Variants in MAP3K10 observed in about 807,000 individuals in gnomAD.
MAP3K10 encodes the protein MKN28 derived nonreceptor_type serine/threonine kinase.
Under a neutral mutation model 75.0 loss-of-function variants are expected in MAP3K10, and 22 were observed. The observed-to-expected ratio is 0.29, with a 90% CI of 0.21 to 0.42. MAP3K10 has a LOEUF of 0.42. MAP3K10 is among the 10% of genes least tolerant of loss of function. MAP3K10 has a pLI of 1.00. For synonymous variants in MAP3K10, 599 were observed against 612.9 expected (o/e 0.98, Z 0.34); for missense variants, 1,165 against 1,379.8 (o/e 0.84, Z 2.47).
At chr19:40,208,364 TTTTTTG>T (rs956516194) in intron 5 of MAP3K10, among the ~76,000 whole-genome samples, 1 of 84,884 alleles carries the variant, frequency 1.2e-5, no homozygotes, top group African/African-American at 5.2e-5. Context: ...TTTTTTTTTT[TTTTTTG>T]TATTTTTAGT....
chr19:40,192,581 A>C lies in MAP3K10; in HGVS notation c.550A>C (p.Arg184=). Residue 184 remains arginine, a synonymous_variant, in exon 1 of 10, where the codon AGG becomes CGG. Transcript: ENST00000253055. This position sits in a 1 kb window ranked among gnomAD's most constrained non-coding sequence, Gnocchi z 7.1. ...MEYARGGALS[R]VLAGRRVPPH... is the part of the protein sequence containing the mutation. ...GTATGCCCGGGGTGGTGCACTGAGC[A>C]GGGTGCTGGCAGGTCGCCGGGTGCC... The C allele has an allele frequency of 6.2e-7, 1 of 1,613,394 alleles. No individual in the cohort carries two copies. The highest frequency in any genetic ancestry group is 8.5e-7 in the Non-Finnish European group (1 of 1,179,876).
rs1400492789 is a variant in MAP3K10, at chr19:40,209,197, C to T, written c.1530C>T (p.Ile510=). 2 of 1,614,090 alleles carry T rather than the reference C, an allele frequency of 1.2e-6. No homozygotes were observed. The highest frequency in any genetic ancestry group is 1.1e-5 in the South Asian group (1 of 91,086). ...GCCCCCCTGCAAGCCCCAGCATCATCCCCCGGCTGAGGGCCATTCGCCGTG... is the reference window on the plus strand; with the variant it reads ...GCCCCCCTGCAAGCCCCAGCATCATTCCCCGGCTGAGGGCCATTCGCCGTG... The part of the protein sequence containing the change: ...GASPPASPSI[I]PRLRAIRLTP... Residue 510 remains isoleucine (I), a synonymous_variant, in exon 6 of 10, where the codon ATC becomes ATT. Coordinates refer to ENST00000253055, the MANE Select transcript of MAP3K10 (RefSeq NM_002446.4).
In MAP3K10 at chr19:40,192,079, C is replaced by T; in HGVS notation, c.48C>T (p.Pro16=). The T allele has an allele frequency of 6.6e-7, 1 of 1,507,572 alleles. No individual in the cohort carries two copies. Among genetic ancestry groups the T allele is most frequent in the South Asian group, 1.3e-5 (1 of 76,014 alleles). The allele number at this position is 1,507,572 out of a possible 1,614,324, so 93.4% of individuals were successfully genotyped here. The change falls in exon 1 of 10, where the codon CCC becomes CCT. Residue 16 remains proline, a synonymous_variant. Coordinates refer to ENST00000253055, the MANE Select transcript of MAP3K10 (RefSeq NM_002446.4). The surrounding 1 kb of genome is among the most constrained non-coding windows in gnomAD (Gnocchi z 7.1). ...GAVAKEWGTT[P]AGPVWTAVFD... is the part of the protein sequence containing the mutation. ...TGGCCAAGGAGTGGGGCACGACCCC[C>T]GCGGGGCCCGTCTGGACCGCGGTGT... is the stretch of plus-strand genomic sequence containing the variant.
intron 2 of MAP3K10, among the ~76,000 whole-genome samples, chr19:40,201,167 G>GTTTTTTTT (rs986113003): frequency 4.8e-5 from 7 of 146,814 alleles, no homozygotes; most frequent in African/African-American, 1.5e-4. Context: ...GAGCTCCAGC[G>GTTTTTTTT]TTTTTTGTTT....
In MAP3K10 at chr19:40,192,044, G is replaced by A; in HGVS notation, c.13G>A (p.Glu5Lys). 6.9e-7 allele frequency: 1 copy of A among 1,441,590 alleles called. No homozygotes were observed. Among genetic ancestry groups the A allele is most frequent in the Non-Finnish European group, 9.1e-7 (1 of 1,099,702 alleles). 89.3% of individuals were successfully genotyped at this position (1,441,590 alleles called of 1,614,324 possible). The change falls in exon 1 of 10, where the codon GAG becomes AAG. Residue 5 changes from glutamate to lysine, a missense_variant. This residue lies in a region of MAP3K10 where 575 missense variants were observed against 793.2 expected (regional missense o/e 0.72). Coordinates refer to ENST00000253055, the MANE Select transcript of MAP3K10 (RefSeq NM_002446.4). The surrounding 1 kb of genome is among the most constrained non-coding windows in gnomAD (Gnocchi z 7.1). ...CGGCCCCTCCCCCATGGAGGAGGAG[G>A]AGGGGGCGGTGGCCAAGGAGTGGGG... MEEE[E>K]GAVAKEWGTT...
At chr19:40,193,653 C>T (rs1972856117) in intron 1 of MAP3K10, among the ~76,000 whole-genome samples, 1 of 152,172 alleles carries the variant, frequency 6.6e-6, no homozygotes, top group African/African-American at 2.4e-5. Context: ...TGTGCCAGAC[C>T]CTGTCCCAGG....
At position 40,204,828 on chromosome 19, in the gene MAP3K10, G is replaced by A; in HGVS notation, c.1012+195G>A. On this transcript the variant is annotated intron_variant, in intron 3 of 9. Coordinates refer to ENST00000253055, the MANE Select transcript of MAP3K10 (RefSeq NM_002446.4). This position sits in a 1 kb window ranked among gnomAD's most constrained non-coding sequence, Gnocchi z 4.3. The stretch of plus-strand genomic sequence containing the variant: ...CACATCCCAGCCCTTGTTTGGGCCA[G>A]GCCCAGAGCTCTCAGGACAACCTGT... 2.9e-6 allele frequency: 2 copies of A among 696,992 alleles called. No homozygotes were observed. Among genetic ancestry groups the A allele is most frequent in the Non-Finnish European group, 4.7e-6 (2 of 427,128 alleles). 43.2% of individuals were successfully genotyped at this position (696,992 alleles called of 1,614,324 possible). A position where few individuals can be genotyped will look rare whatever the true frequency, so the allele number is the denominator to read the frequency against.
In MAP3K10 at chr19:40,215,097, T is replaced by C. The variant is rs375262975; in HGVS notation, c.2670T>C (p.Ala890=). The C allele has an allele frequency of 7.3e-4, 1,174 of 1,607,774 alleles. 15 individuals carry two copies. The Admixed American group carries it at 0.017, about 24-fold the overall frequency. Residue 890 remains alanine (A), a synonymous_variant, in exon 10 of 10, where the codon GCT becomes GCC. Coordinates refer to ENST00000253055, the MANE Select transcript of MAP3K10 (RefSeq NM_002446.4). ...TLTFAPRPRP[A]ASRPRLDPWK... ...CCTTTGCCCCGAGACCTCGGCCGGC[T>C]GCCAGTCGCCCCCGCTTGGACCCCT...
Position 40,192,399 on chromosome 19 carries a change from C to T in MAP3K10, c.368C>T (p.Ala123Val). 6.2e-7 allele frequency: 1 copy of T among 1,613,888 alleles called. No homozygotes were observed. The highest frequency in any genetic ancestry group is 8.5e-7 in the Non-Finnish European group (1 of 1,179,952). ...GCCCTGTGGCGTGGCGAGGAGGTGG[C>T]AGTCAAGGCCGCCCGGCTGGACCCT... Reference protein sequence around the residue: ...YRALWRGEEVAVKAARLDPEK... With the variant: ...YRALWRGEEVVVKAARLDPEK... Residue 123 changes from alanine to valine, a missense_variant, in exon 1 of 10, where the codon GCA (alanine) becomes GTA (valine). By Grantham distance (64) the Ala-to-Val change is moderately conservative. Coordinates refer to ENST00000253055, the MANE Select transcript of MAP3K10 (RefSeq NM_002446.4). This position sits in a 1 kb window ranked among gnomAD's most constrained non-coding sequence, Gnocchi z 7.1.
At position 40,214,022 on chromosome 19, in the gene MAP3K10, CGCGCCCA is replaced by C; in HGVS notation, c.2344_2350del (p.Ala782HisfsTer38). 1.3e-6 allele frequency: 2 copies of C among 1,513,182 alleles called. No homozygotes were observed. Among genetic ancestry groups the C allele is most frequent in the East Asian group, 2.6e-5 (1 of 38,956 alleles). 93.7% of individuals were successfully genotyped at this position (1,513,182 alleles called of 1,614,324 possible). A position where few individuals can be genotyped will look rare whatever the true frequency, so the allele number is the denominator to read the frequency against. ...CGCCCTCCCCACCACCCTCCCCGCC[CGCGCCCA>C]CACCCACGCCCTCGCCCAGCACCAA... On this transcript the variant is annotated frameshift_variant, in exon 9 of 10. Coordinates refer to ENST00000253055, the MANE Select transcript of MAP3K10 (RefSeq NM_002446.4). LOFTEE classifies it high-confidence loss of function.
intron 1 of MAP3K10, among the ~76,000 whole-genome samples, chr19:40,195,659 A>G (rs1972892477): frequency 6.6e-6 from 1 of 151,738 alleles, no homozygotes. Context: ...AAGCCTGGCT[A>G]ATTTTTGTAT....
chr19:40,193,614 T>C (rs1972855503), intron 1 of MAP3K10, among the ~76,000 whole-genome samples: 1 of 152,202 alleles, frequency 6.6e-6, no homozygotes, highest in Admixed American at 6.5e-5. Flanking sequence ...ATTTCATTCA[T>C]TCATTCCACA....
rs896723723 is a variant in MAP3K10, at chr19:40,213,693, G to T, written c.2014G>T (p.Asp672Tyr). ...GGGACACGGCGCCCGGCGGCGCTGC[G>T]ACCTGGCGCTGCTAGGCTGCGCCAC... ...RWGHGARRRC[D>Y]LALLGCATLL... Residue 672 changes from aspartate (D) to tyrosine (Y), a missense_variant, in exon 9 of 10, where the codon GAC becomes TAC. Transcript: ENST00000253055. The surrounding 1 kb of genome is among the most constrained non-coding windows in gnomAD (Gnocchi z 5.7). 3.4e-5 allele frequency: 37 copies of T among 1,088,452 alleles called. No individual in the cohort carries two copies. Among genetic ancestry groups the T allele is most frequent in the Admixed American group, 5.4e-5 (1 of 18,376 alleles). 67.4% of individuals were successfully genotyped at this position (1,088,452 alleles called of 1,614,324 possible).
In MAP3K10 at chr19:40,192,482, G is replaced by A; in HGVS notation, c.451G>A (p.Ala151Thr). 6.2e-7 allele frequency: 1 copy of A among 1,613,880 alleles called. No individual in the cohort carries two copies. The highest frequency in any genetic ancestry group is 1.1e-5 in the South Asian group (1 of 91,086). Residue 151 changes from alanine (A) to threonine (T), a missense_variant, in exon 1 of 10, where the codon GCC (alanine) becomes ACC (threonine). Physicochemically the swap from Ala to Thr is moderately conservative, Grantham distance 58. Transcript: ENST00000253055. This position sits in a 1 kb window ranked among gnomAD's most constrained non-coding sequence, Gnocchi z 7.1. Reference protein sequence around the residue: ...QVCQEARLFGALQHPNIIALR... With the variant: ...QVCQEARLFGTLQHPNIIALR... ...GTGCCAGGAAGCCCGGCTCTTTGGAGCCCTGCAGCACCCCAACATAATTGC... is the reference window on the plus strand; with the variant it reads ...GTGCCAGGAAGCCCGGCTCTTTGGAACCCTGCAGCACCCCAACATAATTGC...
intron 6 of MAP3K10, among the ~76,000 whole-genome samples, chr19:40,211,794 ACTCACTGCAACCTCTGC>A (rs1448606608): frequency 6.6e-6 from 1 of 151,842 alleles, no homozygotes; most frequent in East Asian, 1.9e-4. Context: ...TGCGATCTCA[ACTCACTGCAACCTCTGC>A]CTCCCAGGTT....
rs531307562 is a variant in MAP3K10, at chr19:40,201,615, C to T, written c.864-2870C>T. Reference sequence around the variant, plus strand: ...TCAAGTGATCCTCCCACCTCAGCCTCTCTAGTAGCTGGGACTACAGGCATG... The same window carrying T: ...TCAAGTGATCCTCCCACCTCAGCCTTTCTAGTAGCTGGGACTACAGGCATG... On this transcript the variant is annotated intron_variant, in intron 2 of 9. Coordinates refer to ENST00000253055, the MANE Select transcript of MAP3K10 (RefSeq NM_002446.4). 2.6e-5 allele frequency among the ~76,000 whole-genome samples: 4 copies of T among 151,284 alleles called. No individual in the cohort carries two copies. In the South Asian group the frequency reaches 8.4e-4, roughly 32 times the overall value.
rs762940502 is a variant in MAP3K10 at position 40,206,037 on chromosome 19, C to T, written c.1315C>T (p.His439Tyr). 2 of 1,613,452 alleles carry T rather than the reference C, an allele frequency of 1.2e-6. No homozygotes were observed. The highest frequency in any genetic ancestry group is 2.2e-5 in the South Asian group (2 of 90,984). Residue 439 changes from histidine (H) to tyrosine (Y), a missense_variant, in exon 5 of 10, where the codon CAC (histidine) becomes TAC (tyrosine). Physicochemically the swap from His to Tyr is moderately conservative, Grantham distance 83. Around this residue, in one of 2 missense-constraint regions of MAP3K10, gnomAD observed 575 missense variants for 793.2 expected, o/e 0.72. Coordinates refer to ENST00000253055, the MANE Select transcript of MAP3K10 (RefSeq NM_002446.4). The stretch of plus-strand genomic sequence containing the variant: ...GATGGACATCGTGGAACGGGAGCTG[C>T]ACCTGCTCATGTGCCAGCTGAGCCA... ...REMDIVEREL[H>Y]LLMCQLSQEK...
Position 40,205,996 on chromosome 19 carries a change from A to C in MAP3K10, c.1274A>C (p.Glu425Ala), listed in dbSNP as rs1187683177. 1 of 1,612,108 alleles carries C rather than the reference A, an allele frequency of 6.2e-7. No individual in the cohort carries two copies. Among genetic ancestry groups the C allele is most frequent in the African/African-American group, 1.3e-5 (1 of 74,882 alleles). ...GAGCAGCTGCGGCGGCGGGAGCAGG[A>C]GCTGGCAGAACGTGAGATGGACATC... ...QEEQLRRREQ[E>A]LAEREMDIVE... Residue 425 changes from glutamate (E) to alanine (A), a missense_variant, in exon 5 of 10, where the codon GAG becomes GCG. This residue lies in a region of MAP3K10 where 575 missense variants were observed against 793.2 expected (regional missense o/e 0.72). Coordinates refer to ENST00000253055, the MANE Select transcript of MAP3K10 (RefSeq NM_002446.4). The surrounding 1 kb of genome is among the most constrained non-coding windows in gnomAD (Gnocchi z 4.3).
Position 40,204,993 on chromosome 19 carries a change from T to C in MAP3K10, c.1013-128T>C. 1 of 866,708 alleles carries C rather than the reference T, an allele frequency of 1.2e-6. No homozygotes were observed. The highest frequency in any genetic ancestry group is 2.0e-5 in the Admixed American group (1 of 49,970). The allele number at this position is 866,708 out of a possible 1,614,324, so 53.7% of individuals were successfully genotyped here. On this transcript the variant is annotated intron_variant, in intron 3 of 9. Coordinates refer to ENST00000253055, the MANE Select transcript of MAP3K10 (RefSeq NM_002446.4). This position sits in a 1 kb window ranked among gnomAD's most constrained non-coding sequence, Gnocchi z 4.3. ...GAGCTTGGCTTTGAATCCCTTCCCCTCAGCTCCATAGCAGCTGTTTGTCTG... is the reference window on the plus strand; with the variant it reads ...GAGCTTGGCTTTGAATCCCTTCCCCCCAGCTCCATAGCAGCTGTTTGTCTG...
Sources: gnomAD v4.1 joint callset for allele counts (sites outside exome capture counted in the v4.1 genomes callset) on GRCh38, gnomAD v4.1.1 for gene constraint, gnomAD v4.1.1 regional missense constraint, Gnocchi (gnomAD v3.1) non-coding constraint, MANE v1.5 for transcripts, NCBI Gene and HGNC (gene_info 2026-07-23, HGNC 2026-07-21) for gene names.